ARHGAP15: variants seen among roughly 807,000 people sequenced by gnomAD.
The protein encoded by ARHGAP15 is Rho GTPase activating protein 15.
Under a neutral mutation model 63.7 loss-of-function variants are expected in ARHGAP15, and 51 were observed. The ratio of observed to expected loss-of-function variants is 0.80; its 90% CI spans 0.64 to 1.01. ARHGAP15 has a LOEUF of 1.01. Ranked by LOEUF, ARHGAP15 falls within the 50% of genes least tolerant of loss-of-function variation. The pLI, the probability that ARHGAP15 is intolerant of heterozygous loss-of-function variation, is 0.00. For missense variants in ARHGAP15, 560 were observed against 564.6 expected (o/e 0.99, Z 0.08); for synonymous variants, 191 against 193.8 (o/e 0.99, Z 0.12).
At chr2:143,339,791 C>A (rs1684973106) in intron 6 of ARHGAP15, among the ~76,000 whole-genome samples, 1 of 152,160 alleles carries the variant, frequency 6.6e-6, no homozygotes, top group South Asian at 2.1e-4. Context: ...GCACACTATA[C>A]TTTAAAATGT....
At chr2:143,657,848 A>G (rs1231503031) in intron 12 of ARHGAP15, among the ~76,000 whole-genome samples, 3 of 152,182 alleles carry the variant, frequency 2.0e-5, no homozygotes, top group Non-Finnish European at 4.4e-5. Flanking sequence ...CTTGGGACAT[A>G]ATTTCGAGAC....
chr2:143,674,967 CA>C (rs941930446), intron 12 of ARHGAP15, among the ~76,000 whole-genome samples: 1 of 152,084 alleles, frequency 6.6e-6, no homozygotes, highest in Non-Finnish European at 1.5e-5. Context: ...CTTCCTTTCA[CA>C]AAAAATTGCT....
chr2:143,755,279 G>T (rs1172924225), intron 13 of ARHGAP15, among the ~76,000 whole-genome samples: 1 of 150,480 alleles, frequency 6.6e-6, no homozygotes, highest in South Asian at 2.2e-4. Flanking sequence ...ATATATGGGG[G>T]GGGGGGATCT....
intron 6 of ARHGAP15, among the ~76,000 whole-genome samples, chr2:143,430,078 C>A (rs1455037971): frequency 6.6e-6 from 1 of 151,948 alleles, no homozygotes; most frequent in Non-Finnish European, 1.5e-5. Flanking sequence ...GCTAGGGTAA[C>A]CCTGGATAAG....
intron 8 of ARHGAP15, among the ~76,000 whole-genome samples, chr2:143,443,189 A>G (rs1172621820): frequency 6.6e-6 from 1 of 152,188 alleles, no homozygotes; most frequent in Non-Finnish European, 1.5e-5. Flanking sequence ...TTTCTTATTA[A>G]GAATTTTGTG....
At chr2:143,618,320 CAT>C (rs1029501821) in intron 11 of ARHGAP15, among the ~76,000 whole-genome samples, 2 of 152,176 alleles carry the variant, frequency 1.3e-5, no homozygotes, top group Non-Finnish European at 2.9e-5. Context: ...TAGGGCCAAA[CAT>C]ATTATGTTTT....
intron 9 of ARHGAP15, 27 bp from the exon 10 acceptor site, chr2:143,519,239 T>C (rs1693954875): frequency 2.0e-6 from 3 of 1,530,550 alleles, no homozygotes; most frequent in Admixed American, 1.7e-5. Context: ...TGGATTTTAA[T>C]GAAGCTCATC....
At chr2:143,757,161 A>G (rs2105540296) in intron 13 of ARHGAP15, among the ~76,000 whole-genome samples, 1 of 152,270 alleles carries the variant, frequency 6.6e-6, no homozygotes, top group East Asian at 1.9e-4. Context: ...GGGAAGAGAA[A>G]TATCCCAATA....
chr2:143,560,497 T>A (rs1475722153), intron 11 of ARHGAP15, among the ~76,000 whole-genome samples: 3 of 152,266 alleles, frequency 2.0e-5, no homozygotes, highest in Admixed American at 2.0e-4. Context: ...ATCCCAGATC[T>A]GTCTGACTCA....
chr2:143,131,920 T>C (rs1688931942), intron 1 of ARHGAP15, among the ~76,000 whole-genome samples: 1 of 152,158 alleles, frequency 6.6e-6, no homozygotes. Context: ...AAGTGTCTCA[T>C]ATGAAGGATC....
At chr2:143,368,122 A>C (rs1000749022) in intron 6 of ARHGAP15, among the ~76,000 whole-genome samples, 1 of 152,118 alleles carries the variant, frequency 6.6e-6, no homozygotes, top group Non-Finnish European at 1.5e-5. Context: ...GACACATTTA[A>C]AGCCAGATAT....
At chr2:143,742,998 A>G (rs558479587) in intron 13 of ARHGAP15, among the ~76,000 whole-genome samples, 1 of 152,326 alleles carries the variant, frequency 6.6e-6, no homozygotes, top group East Asian at 1.9e-4. Flanking sequence ...AGGGGAAGAA[A>G]GGGGACAGGC....
intron 10 of ARHGAP15, among the ~76,000 whole-genome samples, chr2:143,548,408 A>T (rs970606814): frequency 1.3e-5 from 2 of 151,996 alleles, no homozygotes; most frequent in African/African-American, 4.8e-5. Flanking sequence ...CGAGGTATTT[A>T]ATTTAAATCT....
At chr2:143,509,192 G>A (rs979923192) in intron 9 of ARHGAP15, among the ~76,000 whole-genome samples, 3 of 152,168 alleles carry the variant, frequency 2.0e-5, no homozygotes, top group African/African-American at 7.2e-5. Flanking sequence ...TGTTAGGTTT[G>A]ATGAGATGCA....
At chr2:143,385,661 G>A (rs1687254969) in intron 6 of ARHGAP15, among the ~76,000 whole-genome samples, 1 of 152,088 alleles carries the variant, frequency 6.6e-6, no homozygotes, top group South Asian at 2.1e-4. Context: ...TATCTAGCCT[G>A]TAATATAACT....
intron 6 of ARHGAP15, among the ~76,000 whole-genome samples, chr2:143,338,600 A>G (rs1353238668): frequency 1.3e-5 from 2 of 152,198 alleles, no homozygotes; most frequent in Non-Finnish European, 2.9e-5. Context: ...CAAATTGTTA[A>G]ATAATAAGAG....
intron 10 of ARHGAP15, among the ~76,000 whole-genome samples, chr2:143,556,019 C>A (rs1414806453): frequency 6.6e-6 from 1 of 151,920 alleles, no homozygotes; most frequent in Non-Finnish European, 1.5e-5. Context: ...GTAAGTCAGG[C>A]CAGTAGCAAA....
At chr2:143,503,100 T>C (rs1018586557) in intron 9 of ARHGAP15, among the ~76,000 whole-genome samples, 4 of 152,308 alleles carry the variant, frequency 2.6e-5, no homozygotes, top group African/African-American at 9.6e-5. Context: ...GGCTCAGCCT[T>C]TTGCCCCCGT....
At chr2:143,643,045 TTAAC>T (rs147331148) in intron 12 of ARHGAP15, among the ~76,000 whole-genome samples, 30,013 of 152,056 alleles carry the variant, frequency 0.2, 3,687 homozygotes, top group Middle Eastern at 0.3. Flanking sequence ...GGTCAATAAA[TTAAC>T]TAATTAATTG....
Sources: gnomAD v4.1 joint callset for allele counts (sites outside exome capture counted in the v4.1 genomes callset) on GRCh38, gnomAD v4.1.1 for gene constraint, MANE v1.5 for transcripts, NCBI Gene and HGNC (gene_info 2026-07-23, HGNC 2026-07-21) for gene names.